Variants in CRABP1 observed in about 807,000 individuals in gnomAD.
CRABP1 encodes the protein cellular retinoic acid binding protein 1.
Under a neutral mutation model 16.4 loss-of-function variants are expected in CRABP1, and 9 were observed. That is an observed-to-expected ratio of 0.55 (90% CI 0.33 to 0.96). CRABP1 has a LOEUF of 0.96. Ranked by LOEUF, CRABP1 falls within the 40% of genes least tolerant of loss-of-function variation. The pLI, the probability that CRABP1 is intolerant of heterozygous loss-of-function variation, is 0.03. For synonymous variants in CRABP1, 72 were observed against 70.4 expected (o/e 1.02, Z -0.11); for missense variants, 157 against 186.0 (o/e 0.84, Z 0.91).
Position 78,341,369 on chromosome 15 carries a change from G to C in CRABP1, c.249+148G>C. 1.2e-6 allele frequency: 1 copy of C among 853,918 alleles called. No homozygotes were observed. The highest frequency in any genetic ancestry group is 1.5e-5 in the South Asian group (1 of 65,540). The allele number at this position is 853,918 out of a possible 1,614,324, so 52.9% of individuals were successfully genotyped here. A position where few individuals can be genotyped will look rare whatever the true frequency, so the allele number is the denominator to read the frequency against. On this transcript the variant is annotated intron_variant, in intron 2 of 3. Coordinates refer to ENST00000299529, the MANE Select transcript of CRABP1 (RefSeq NM_004378.3). The surrounding 1 kb of genome is among the most constrained non-coding windows in gnomAD (Gnocchi z 5.3). ...CACTGGCTGTTTGCAGAGGGGGTTT[G>C]TGCATCCTAGTTGCCCCTGGCTCAA...
intron 3 of CRABP1, among the ~76,000 whole-genome samples, chr15:78,344,031 T>A (rs2050250920): frequency 6.6e-6 from 1 of 152,170 alleles, no homozygotes; most frequent in Non-Finnish European, 1.5e-5. Context: ...GTAATTTTTA[T>A]CACATCAGCA....
chr15:78,341,066 G>C lies in CRABP1; in HGVS notation c.94G>C (p.Val32Leu), dbSNP rs1344789995. 1 of 1,610,534 alleles carries C rather than the reference G, an allele frequency of 6.2e-7. No homozygotes were observed. Among genetic ancestry groups the C allele is most frequent in the Non-Finnish European group, 8.5e-7 (1 of 1,179,866 alleles). ...AGGTGTGAACGCCATGCTGAGGAAA[G>C]TGGCCGTAGCGGCTGCGTCCAAGCC... Reference protein sequence around the residue: ...ALGVNAMLRKVAVAAASKPHV... With the variant: ...ALGVNAMLRKLAVAAASKPHV... The change falls in exon 2 of 4, where the codon GTG becomes CTG. Residue 32 changes from valine (V) to leucine (L), a missense_variant. Physicochemically the swap from Val to Leu is conservative, Grantham distance 32. Transcript: ENST00000299529. The surrounding 1 kb of genome is among the most constrained non-coding windows in gnomAD (Gnocchi z 5.3).
At position 78,341,217 on chromosome 15, in the gene CRABP1, G is replaced by T. The variant is rs201917878; in HGVS notation, c.245G>T (p.Cys82Phe). ...FEEETVDGRK[C>F]RSLATWENEN... ...GAGGAGACCGTGGACGGACGCAAGT[G>T]CAGGGTGAGGCCCCAGAGCCACTAC... Residue 82 changes from cysteine (C) to phenylalanine (F), a missense_variant, in exon 2 of 4, where the codon TGC (cysteine) becomes TTC (phenylalanine). Cys to Phe is a radical substitution (Grantham distance 205, BLOSUM62 -2). Coordinates refer to ENST00000299529, the MANE Select transcript of CRABP1 (RefSeq NM_004378.3). This position sits in a 1 kb window ranked among gnomAD's most constrained non-coding sequence, Gnocchi z 5.3. The T allele has an allele frequency of 2.9e-5, 46 of 1,608,154 alleles. No individual in the cohort carries two copies. Among genetic ancestry groups the T allele is most frequent in the Non-Finnish European group, 3.5e-5 (41 of 1,177,586 alleles).
At chr15:78,343,415 C>A (rs1595955508) in intron 2 of CRABP1, 84 bp from the exon 3 acceptor site, 6 of 1,038,488 alleles carry the variant, frequency 5.8e-6, no homozygotes, top group Middle Eastern at 2.1e-4. Flanking sequence ...CTCTGCAGAG[C>A]AATTATTTTT....
Position 78,341,768 on chromosome 15 carries a change from C to T in CRABP1, c.249+547C>T. On this transcript the variant is annotated intron_variant, in intron 2 of 3. Coordinates refer to ENST00000299529, the MANE Select transcript of CRABP1 (RefSeq NM_004378.3). The surrounding 1 kb of genome is among the most constrained non-coding windows in gnomAD (Gnocchi z 5.3). ...CGGCGGAGTCTTTCCAAAAGCAAGGCAGGTTCTGGCTGGGAAAATGGACTA... is the reference window on the plus strand; with the variant it reads ...CGGCGGAGTCTTTCCAAAAGCAAGGTAGGTTCTGGCTGGGAAAATGGACTA... 5.8e-6 allele frequency: 1 copy of T among 172,426 alleles called. No individual in the cohort carries two copies. The allele number at this position is 172,426 out of a possible 1,614,324, so 10.7% of individuals were successfully genotyped here.
At chr15:78,342,782 G>A (rs1473022248) in intron 2 of CRABP1, among the ~76,000 whole-genome samples, 1 of 152,208 alleles carries the variant, frequency 6.6e-6, no homozygotes, top group East Asian at 1.9e-4. Flanking sequence ...AATCCATGCA[G>A]GGAATCGTGC....
At chr15:78,344,532 A>G (rs1189725387) in intron 3 of CRABP1, among the ~76,000 whole-genome samples, 1 of 152,180 alleles carries the variant, frequency 6.6e-6, no homozygotes, top group Non-Finnish European at 1.5e-5. Flanking sequence ...TAGTGAGGCC[A>G]AATTAGAAAC....
At chr15:78,347,306 G>A (rs1020832579) in intron 3 of CRABP1, among the ~76,000 whole-genome samples, 3 of 152,182 alleles carry the variant, frequency 2.0e-5, no homozygotes, top group Non-Finnish European at 4.4e-5. Context: ...CAGGCCACGA[G>A]AGGAAAACAT....
chr15:78,347,823 AAG>A, intron 3 of CRABP1, 102 bp from the exon 4 acceptor site: 6 of 1,049,502 alleles, frequency 5.7e-6, no homozygotes, highest in Non-Finnish European at 8.8e-6. Flanking sequence ...GTCTGTTACA[AAG>A]AGTTTTTAAC....
intron 2 of CRABP1, 89 bp from the exon 3 acceptor site, chr15:78,343,410 C>G (rs1428322689): frequency 3.0e-6 from 3 of 1,005,948 alleles, no homozygotes; most frequent in Non-Finnish European, 4.6e-6. Flanking sequence ...TGATTCTCTG[C>G]AGAGCAATTA....
rs747438217 is a variant in CRABP1 at position 78,343,540 on chromosome 15, G to T, written c.291G>T (p.Thr97=). 3.1e-6 allele frequency: 5 copies of T among 1,614,022 alleles called. No homozygotes were observed. In the African/African-American group the frequency reaches 6.7e-5, roughly 22 times the overall value. The part of the protein sequence containing the change: ...TWENENKIHC[T]QTLLEGDGPK... ...AGAATGAGAACAAGATCCACTGCACGCAAACTCTTCTTGAAGGGGACGGCC... is the reference window on the plus strand; with the variant it reads ...AGAATGAGAACAAGATCCACTGCACTCAAACTCTTCTTGAAGGGGACGGCC... Residue 97 remains threonine (T), a synonymous_variant, in exon 3 of 4, where the codon ACG becomes ACT. Coordinates refer to ENST00000299529, the MANE Select transcript of CRABP1 (RefSeq NM_004378.3).
chr15:78,343,361 C>A (rs146032241), intron 2 of CRABP1, 138 bp from the exon 3 acceptor site: 3 of 684,528 alleles, frequency 4.4e-6, no homozygotes, highest in African/African-American at 3.6e-5. Context: ...TAAGGCTCAG[C>A]GGAGAAGAAT....
intron 3 of CRABP1, 156 bp from the exon 4 acceptor site, chr15:78,347,771 T>A (rs2050274443): frequency 1.5e-6 from 1 of 676,178 alleles, no homozygotes; most frequent in African/African-American, 1.8e-5. Flanking sequence ...GGAAAAAATA[T>A]CCCTTAATGC....
chr15:78,344,417 A>C (rs1054590629), intron 3 of CRABP1, among the ~76,000 whole-genome samples: 1 of 151,756 alleles, frequency 6.6e-6, no homozygotes, highest in African/African-American at 2.4e-5. Context: ...CTGAGATGGC[A>C]CCACTGCACT....
At position 78,348,055 on chromosome 15, in the gene CRABP1, T is replaced by C. The variant is rs188311015; in HGVS notation, c.*78T>C. ...ATATGTCATAGTTCTGAGCTGCCAG[T>C]GGACCGCCCTTTTCCCCTACCAATA... is the stretch of plus-strand genomic sequence containing the variant. On this transcript the variant is annotated 3_prime_UTR_variant, in exon 4 of 4. Transcript: ENST00000299529. The C allele has an allele frequency of 9.0e-5, 125 of 1,384,580 alleles. No homozygotes were observed. In the Admixed American group the frequency reaches 2.3e-3, roughly 26 times the overall value. 85.8% of individuals were successfully genotyped at this position (1,384,580 alleles called of 1,614,324 possible). A position where few individuals can be genotyped will look rare whatever the true frequency, so the allele number is the denominator to read the frequency against.
chr15:78,341,518 G>A lies in CRABP1; in HGVS notation c.249+297G>A. ...GTTCCCAGCAGTGGCTTTTGCAGCGGTTTGCAGCGCCAAGCGCAGGCGGCG... is the reference window on the plus strand; with the variant it reads ...GTTCCCAGCAGTGGCTTTTGCAGCGATTTGCAGCGCCAAGCGCAGGCGGCG... On this transcript the variant is annotated intron_variant, in intron 2 of 3. Coordinates refer to ENST00000299529, the MANE Select transcript of CRABP1 (RefSeq NM_004378.3). The surrounding 1 kb of genome is among the most constrained non-coding windows in gnomAD (Gnocchi z 5.3). The A allele has an allele frequency of 2.5e-6, 1 of 393,854 alleles. No individual in the cohort carries two copies. The highest frequency in any genetic ancestry group is 4.8e-6 in the Non-Finnish European group (1 of 208,166). The allele number at this position is 393,854 out of a possible 1,614,324, so 24.4% of individuals were successfully genotyped here.
At chr15:78,345,597 T>C (rs1049606124) in intron 3 of CRABP1, among the ~76,000 whole-genome samples, 1 of 151,394 alleles carries the variant, frequency 6.6e-6, no homozygotes, top group Non-Finnish European at 1.5e-5. Flanking sequence ...TTAACCTCTG[T>C]AGTATACGAG....
chr15:78,342,919 G>A (rs1021408020), intron 2 of CRABP1, among the ~76,000 whole-genome samples: 1 of 152,080 alleles, frequency 6.6e-6, no homozygotes, highest in Non-Finnish European at 1.5e-5. Context: ...TCAGGAGTTC[G>A]AGACCAGCCT....
intron 3 of CRABP1, among the ~76,000 whole-genome samples, chr15:78,344,938 A>C (rs569562988): frequency 2.5e-4 from 38 of 152,042 alleles, no homozygotes; most frequent in South Asian, 6.2e-4. Flanking sequence ...CAAAAAAAAA[A>C]ACAAAAAAAC....
Sources: allele counts gnomAD v4.1 joint callset (sites outside exome capture counted in the v4.1 genomes callset), GRCh38; gene constraint gnomAD v4.1.1; non-coding constraint Gnocchi (gnomAD v3.1); transcripts MANE v1.5; gene names NCBI Gene and HGNC (gene_info 2026-07-23, HGNC 2026-07-21).